BIVM: variants seen among roughly 807,000 people sequenced by gnomAD.
BIVM encodes basic, immunoglobulin-like variable motif containing, also known as basic immunoglobulin-like variable motif-containing protein.
A neutral mutation model predicts 61.4 loss-of-function variants in BIVM; 31 were observed. That is an observed-to-expected ratio of 0.51 (90% CI 0.38 to 0.68). BIVM has a LOEUF of 0.68. BIVM is among the 30% of genes least tolerant of loss of function. The probability of loss-of-function intolerance (pLI) is 0.00; values close to 1 mark genes in which losing one functional copy is unlikely to be tolerated. For synonymous variants in BIVM, 189 were observed against 210.7 expected, an observed-to-expected ratio of 0.90 and a Z score of 0.89; for missense variants, 526 against 596.0, an observed-to-expected ratio of 0.88 and a Z score of 1.22.
At chr13:102,806,271 A>G (rs1431484743) in intron 2 of BIVM, among the ~76,000 whole-genome samples, 1 of 151,836 alleles carries the variant, frequency 6.6e-6, no homozygotes, top group African/African-American at 2.4e-5. Context: ...TTTATTTTTG[A>G]TACAGTCTCG....
chr13:102,825,961 C>T (rs1274562281), intron 7 of BIVM, among the ~76,000 whole-genome samples: 1 of 152,074 alleles, frequency 6.6e-6, no homozygotes, highest in Non-Finnish European at 1.5e-5. Flanking sequence ...ACTAGAGTTG[C>T]CTTTCTTGAG....
chr13:102,816,693 A>C, intron 4 of BIVM, 139 bp downstream of exon 4: 1 of 836,040 alleles, frequency 1.2e-6, no homozygotes, highest in Non-Finnish European at 1.6e-6. Context: ...ATTTCTGAAT[A>C]TTTAAAGTCA....
Position 102,839,785 on chromosome 13 carries a change from G to C in BIVM, c.1432G>C (p.Ala478Pro). 1.2e-6 allele frequency: 2 copies of C among 1,614,196 alleles called. No homozygotes were observed. Among genetic ancestry groups the C allele is most frequent in the Non-Finnish European group, 8.5e-7 (1 of 1,180,044 alleles). ...SFSASFHQDS[A>P]WKKMSSIHER... The stretch of plus-strand genomic sequence containing the variant: ...CAGTGCTAGTTTCCATCAGGACTCG[G>C]CATGGAAAAAGATGTCTAGTATCCA... Residue 478 changes from alanine (A) to proline (P), a missense_variant, in exon 11 of 11, where the codon GCA becomes CCA. By Grantham distance (27) the Ala-to-Pro change is conservative (BLOSUM62 -1). Coordinates refer to ENST00000257336, the MANE Select transcript of BIVM (RefSeq NM_017693.4).
At chr13:102,805,773 C>T (rs549306291) in intron 2 of BIVM, among the ~76,000 whole-genome samples, 27 of 151,506 alleles carry the variant, frequency 1.8e-4, no homozygotes, top group African/African-American at 6.1e-4. Context: ...TCCTTTGTGA[C>T]GATCTTCTTT....
chr13:102,815,766 T>A (rs987215115), intron 3 of BIVM, among the ~76,000 whole-genome samples: 1 of 152,262 alleles, frequency 6.6e-6, no homozygotes, highest in African/African-American at 2.4e-5. Flanking sequence ...TGTATGTGTG[T>A]GCATGTATGA....
intron 10 of BIVM, among the ~76,000 whole-genome samples, chr13:102,839,002 T>C (rs916493228): frequency 6.6e-6 from 1 of 152,196 alleles, no homozygotes; most frequent in Non-Finnish European, 1.5e-5. Context: ...TTGGGGGCTA[T>C]ATATTGTTCT....
At chr13:102,804,269 CG>C (rs1385664207) in intron 1 of BIVM, among the ~76,000 whole-genome samples, 1 of 151,644 alleles carries the variant, frequency 6.6e-6, no homozygotes, top group Non-Finnish European at 1.5e-5. Flanking sequence ...CTCAGCCTCC[CG>C]AGTAGCTGGG....
chr13:102,806,787 G>T (rs1879126481), intron 2 of BIVM, among the ~76,000 whole-genome samples: 1 of 151,952 alleles, frequency 6.6e-6, no homozygotes, highest in Admixed American at 6.6e-5. Context: ...GCGCATGCCT[G>T]TAATCCCAGC....
intron 1 of BIVM, among the ~76,000 whole-genome samples, chr13:102,804,434 G>T (rs931566204): frequency 6.6e-6 from 1 of 152,028 alleles, no homozygotes; most frequent in East Asian, 1.9e-4. Context: ...CCTCAGCCTC[G>T]CAAGTAGCTG....
chr13:102,835,330 C>G (rs1459644558), intron 9 of BIVM, among the ~76,000 whole-genome samples: 1 of 151,648 alleles, frequency 6.6e-6, no homozygotes, highest in Non-Finnish European at 1.5e-5. Context: ...GATCCTGCCT[C>G]AAAAAAAGGG....
At chr13:102,804,580 G>A (rs755503093) in intron 1 of BIVM, among the ~76,000 whole-genome samples, 2 of 152,120 alleles carry the variant, frequency 1.3e-5, no homozygotes, top group South Asian at 4.1e-4. Flanking sequence ...TACAGTGCTG[G>A]GATTACAGGT....
At position 102,816,826 on chromosome 13, in the gene BIVM, T is replaced by C. The variant is rs113078174; in HGVS notation, c.605+272T>C. On this transcript the variant is annotated intron_variant, in intron 4 of 10. Transcript: ENST00000257336. ...TGTAGATTTAACAATGATTAACCTT[T>C]TGATGTAGTTAAATACTTAGCTTTT... is the stretch of plus-strand genomic sequence containing the variant. The C allele has an allele frequency of 1.7e-3, 312 of 187,362 alleles. 3 individuals carry two copies. Among genetic ancestry groups the C allele is most frequent in the African/African-American group, 6.7e-3 (289 of 42,938 alleles). 11.6% of individuals were successfully genotyped at this position (187,362 alleles called of 1,614,324 possible).
rs1035257696 is a variant in BIVM, at chr13:102,831,162, G to C, written c.902-403G>C. On this transcript the variant is annotated intron_variant, in intron 7 of 10. Coordinates refer to ENST00000257336, the MANE Select transcript of BIVM (RefSeq NM_017693.4). Reference sequence around the variant, plus strand: ...TTTATAAAGACATATTAGTACAGTGGTATATGTATATACTTTATAAATGCA... The same window carrying C: ...TTTATAAAGACATATTAGTACAGTGCTATATGTATATACTTTATAAATGCA... Among the ~76,000 whole-genome samples, 3 of 152,158 alleles carry C rather than the reference G, an allele frequency of 2.0e-5. No homozygotes were observed. In the East Asian group the frequency reaches 5.8e-4, roughly 29 times the overall value.
chr13:102,806,799 A>G (rs1239975812), intron 2 of BIVM, among the ~76,000 whole-genome samples: 1 of 151,932 alleles, frequency 6.6e-6, no homozygotes, highest in Non-Finnish European at 1.5e-5. Flanking sequence ...AATCCCAGCT[A>G]CTTGGGAGGC....
Position 102,807,453 on chromosome 13 carries a change from A to C in BIVM, c.186A>C (p.Thr62=). The change falls in exon 3 of 11, where the codon ACA becomes ACC. Residue 62 remains threonine (T), a synonymous_variant. Coordinates refer to ENST00000257336, the MANE Select transcript of BIVM (RefSeq NM_017693.4). The surrounding 1 kb of genome is among the most constrained non-coding windows in gnomAD (Gnocchi z 4.0). ...CATGGAGTTGTCCAGTGACTCATAC[A>C]CGGGAAAAAATTTATGCCATCTGTT... ...HYPWSCPVTH[T]REKIYAICSD... is the part of the protein sequence containing the mutation. 1 of 1,614,164 alleles carries C rather than the reference A, an allele frequency of 6.2e-7. No homozygotes were observed. Among genetic ancestry groups the C allele is most frequent in the East Asian group, 2.2e-5 (1 of 44,882 alleles).
At chr13:102,806,187 T>C (rs1197040313) in intron 2 of BIVM, among the ~76,000 whole-genome samples, 2 of 152,188 alleles carry the variant, frequency 1.3e-5, no homozygotes, top group East Asian at 1.9e-4. Context: ...TTAATCTCAT[T>C]GTGGTTTTGA....
At chr13:102,805,518 C>G (rs1018351212) in intron 2 of BIVM, 128 bp downstream of exon 2, 2 of 152,144 alleles carry the variant, frequency 1.3e-5, no homozygotes, top group Admixed American at 1.3e-4. Context: ...TTTTAGACAA[C>G]TTTATGGAGG....
chr13:102,829,308 G>C (rs988815002), intron 7 of BIVM, among the ~76,000 whole-genome samples: 6 of 152,082 alleles, frequency 3.9e-5, no homozygotes, highest in African/African-American at 1.4e-4. Flanking sequence ...CAGAATACCT[G>C]CTCTTCTCCA....
intron 8 of BIVM, among the ~76,000 whole-genome samples, chr13:102,833,644 G>T (rs1220233543): frequency 6.6e-6 from 1 of 152,158 alleles, no homozygotes. Flanking sequence ...TTTGGGGCTG[G>T]AGGCCATGTG....
Sources: allele counts gnomAD v4.1 joint callset (sites outside exome capture counted in the v4.1 genomes callset), GRCh38; gene constraint gnomAD v4.1.1; non-coding constraint Gnocchi (gnomAD v3.1); transcripts MANE v1.5; gene names NCBI Gene and HGNC (gene_info 2026-07-23, HGNC 2026-07-21).